The following GFRAL variants were observed in gnomAD, a reference collection of about 807,000 sequenced individuals.
GFRAL encodes GDNF family receptor alpha-like.
Under a neutral mutation model 45.4 loss-of-function variants are expected in GFRAL, and 36 were observed. The ratio of observed to expected loss-of-function variants is 0.79; its 90% CI spans 0.61 to 1.05. The LOEUF is 1.05. Among genes scored for constraint, GFRAL ranks in the 50% least tolerant of loss-of-function variants. GFRAL has a pLI of 0.00. For synonymous variants in GFRAL, 166 were observed against 154.1 expected (o/e 1.08, Z -0.57); for missense variants, 507 against 467.5 (o/e 1.08, Z -0.78).
intron 6 of GFRAL, among the ~76,000 whole-genome samples, chr6:55,377,571 T>C (rs1287641778): frequency 1.3e-5 from 2 of 152,016 alleles, no homozygotes; most frequent in African/African-American, 2.4e-5. Flanking sequence ...CAGTCATAAG[T>C]GCATTCCACA....
At chr6:55,336,946 T>A (rs1396125003) in intron 3 of GFRAL, among the ~76,000 whole-genome samples, 1 of 152,144 alleles carries the variant, frequency 6.6e-6, no homozygotes, top group African/African-American at 2.4e-5. Context: ...TGCTGAATTC[T>A]GCAAATACTT....
chr6:55,392,632 T>C (rs753900261), intron 6 of GFRAL, among the ~76,000 whole-genome samples: 5 of 152,218 alleles, frequency 3.3e-5, no homozygotes, highest in Non-Finnish European at 5.9e-5. Context: ...GAATAGCACT[T>C]GAAAGGTCAG....
intron 6 of GFRAL, among the ~76,000 whole-genome samples, chr6:55,360,452 A>T (rs1403082099): frequency 3.3e-5 from 5 of 151,916 alleles, no homozygotes; most frequent in African/African-American, 1.2e-4. Context: ...ATATTTACAC[A>T]TTTATATTTC....
At chr6:55,380,174 G>T (rs1434050665) in intron 6 of GFRAL, among the ~76,000 whole-genome samples, 1 of 151,902 alleles carries the variant, frequency 6.6e-6, no homozygotes, top group South Asian at 2.1e-4. Context: ...GGTAGTTCTA[G>T]TTTTAATTTT....
At chr6:55,390,738 A>T (rs1363096060) in intron 6 of GFRAL, among the ~76,000 whole-genome samples, 4 of 151,914 alleles carry the variant, frequency 2.6e-5, no homozygotes, top group African/African-American at 9.7e-5. Context: ...AAATACAAAA[A>T]TCAGCCAGGC....
Position 55,338,216 on chromosome 6 carries a change from A to G in GFRAL, c.316+4272A>G, listed in dbSNP as rs576721654. 3.9e-5 allele frequency among the ~76,000 whole-genome samples: 6 copies of G among 152,094 alleles called. No individual in the cohort carries two copies. In the East Asian group the frequency reaches 7.8e-4, roughly 20 times the overall value. On this transcript the variant is annotated intron_variant, in intron 3 of 8. Coordinates refer to ENST00000340465, the MANE Select transcript of GFRAL (RefSeq NM_207410.2). ...AGCTATTCCTCTGCCTCAGCCCCTG[A>G]GTAGCTGGGATTACAGGTGCTTGCC...
chr6:55,351,190 T>C (rs1768110934), intron 4 of GFRAL, 63 bp from the exon 5 acceptor site: 2 of 1,145,248 alleles, frequency 1.7e-6, no homozygotes, highest in Non-Finnish European at 2.5e-6. Flanking sequence ...CAGTGTTTTA[T>C]AGTTTCTGTA....
intron 3 of GFRAL, among the ~76,000 whole-genome samples, chr6:55,335,729 T>C (rs775421041): frequency 1.9e-4 from 29 of 152,154 alleles, no homozygotes; most frequent in Non-Finnish European, 3.7e-4. Flanking sequence ...GGCCATATGT[T>C]GGTGGCTCTA....
At chr6:55,335,805 A>G (rs1475307622) in intron 3 of GFRAL, among the ~76,000 whole-genome samples, 1 of 152,178 alleles carries the variant, frequency 6.6e-6, no homozygotes, top group Non-Finnish European at 1.5e-5. Context: ...TTATAGTCTT[A>G]CTATAGCTTC....
intron 6 of GFRAL, among the ~76,000 whole-genome samples, chr6:55,366,812 G>A (rs879325519): frequency 1.4e-4 from 16 of 117,108 alleles, no homozygotes; most frequent in Non-Finnish European, 2.4e-4. Flanking sequence ...GAGATAGTTT[G>A]TTATAATTTC....
intron 6 of GFRAL, among the ~76,000 whole-genome samples, chr6:55,361,756 C>T (rs908153947): frequency 2.0e-5 from 3 of 151,964 alleles, no homozygotes; most frequent in Admixed American, 1.3e-4. Context: ...ATCATTGCCC[C>T]GACTTCTCAC....
intron 3 of GFRAL, among the ~76,000 whole-genome samples, chr6:55,345,719 C>T (rs1768032305): frequency 6.6e-6 from 1 of 152,108 alleles, no homozygotes; most frequent in Non-Finnish European, 1.5e-5. Context: ...TAAAGAGCTT[C>T]TGTACAGCAA....
chr6:55,339,424 G>A (rs1164279699), intron 3 of GFRAL, among the ~76,000 whole-genome samples: 1 of 152,052 alleles, frequency 6.6e-6, no homozygotes, highest in Non-Finnish European at 1.5e-5. Flanking sequence ...GGGATCTTGA[G>A]GAGAGAAATC....
intron 2 of GFRAL, 118 bp downstream of exon 2, chr6:55,331,967 T>C: frequency 1.2e-6 from 1 of 868,412 alleles, no homozygotes; most frequent in Non-Finnish European, 1.7e-6. Flanking sequence ...TTATTTAATC[T>C]TGACCCCCAT....
chr6:55,390,964 T>C (rs977798948), intron 6 of GFRAL, among the ~76,000 whole-genome samples: 1 of 151,266 alleles, frequency 6.6e-6, no homozygotes, highest in East Asian at 1.9e-4. Flanking sequence ...GGGCATTGGA[T>C]GGTGCATGCA....
chr6:55,351,052 T>G (rs911695904), intron 4 of GFRAL, among the ~76,000 whole-genome samples: 1 of 152,128 alleles, frequency 6.6e-6, no homozygotes, highest in African/African-American at 2.4e-5. Context: ...GTATCCTGTA[T>G]AGATGAAAGA....
chr6:55,379,335 C>A, intron 6 of GFRAL, among the ~76,000 whole-genome samples: 1 of 151,784 alleles, frequency 6.6e-6, no homozygotes, highest in Non-Finnish European at 1.5e-5. Context: ...ATCAGGGAGA[C>A]CCCAGTGTCT....
intron 5 of GFRAL, among the ~76,000 whole-genome samples, chr6:55,356,878 T>C (rs182587981): frequency 6.6e-6 from 1 of 151,998 alleles, no homozygotes; most frequent in East Asian, 1.9e-4. Flanking sequence ...CCCACAGGTT[T>C]TGGTATGTTG....
chr6:55,376,826 A>G (rs896252778), intron 6 of GFRAL, among the ~76,000 whole-genome samples: 2 of 151,218 alleles, frequency 1.3e-5, no homozygotes, highest in African/African-American at 4.9e-5. Flanking sequence ...TCATGTCTCT[A>G]TCTTCTTCAA....
Sources: allele counts gnomAD v4.1 joint callset (sites outside exome capture counted in the v4.1 genomes callset), GRCh38; gene constraint gnomAD v4.1.1; transcripts MANE v1.5; gene names NCBI Gene and HGNC (gene_info 2026-07-23, HGNC 2026-07-21).